The following CADM1 variants were observed in gnomAD, a reference collection of about 807,000 sequenced individuals.
The protein encoded by CADM1 is cell adhesion molecule 1.
A neutral mutation model predicts 53.1 loss-of-function variants in CADM1; 15 were observed. That is an observed-to-expected ratio of 0.28 (90% CI 0.19 to 0.44). CADM1 has a LOEUF of 0.44. Ranked by LOEUF, CADM1 falls within the 20% of genes least tolerant of loss-of-function variation. CADM1 has a pLI of 1.00. For synonymous variants in CADM1, 281 were observed against 243.0 expected (o/e 1.16, Z -1.45); for missense variants, 434 against 611.3 (o/e 0.71, Z 3.06).
At chr11:115,295,526 AT>A (rs1447846750) in intron 1 of CADM1, among the ~76,000 whole-genome samples, 2 of 80,984 alleles carry the variant, frequency 2.5e-5, no homozygotes, top group African/African-American at 9.8e-5. Flanking sequence ...ATATATATAT[AT>A]ATATATATAT....
chr11:115,315,518 A>G (rs1263332479), intron 1 of CADM1, among the ~76,000 whole-genome samples: 1 of 152,200 alleles, frequency 6.6e-6, no homozygotes, highest in African/African-American at 2.4e-5. Context: ...ACAAACTCAG[A>G]AACTTTTTTT....
intron 6 of CADM1, among the ~76,000 whole-genome samples, chr11:115,216,284 TC>T (rs1340652436): frequency 6.6e-6 from 1 of 152,188 alleles, no homozygotes; most frequent in Non-Finnish European, 1.5e-5. Flanking sequence ...AACAAACAAA[TC>T]CCTTCTCTGG....
At chr11:115,223,889 C>T (rs1180777280) in intron 5 of CADM1, among the ~76,000 whole-genome samples, 1 of 151,070 alleles carries the variant, frequency 6.6e-6, no homozygotes, top group Non-Finnish European at 1.5e-5. Flanking sequence ...AAAATAACCT[C>T]CCTGAAACTC....
At chr11:115,492,248 T>A (rs957736016) in intron 1 of CADM1, among the ~76,000 whole-genome samples, 1 of 152,244 alleles carries the variant, frequency 6.6e-6, no homozygotes, top group African/African-American at 2.4e-5. Flanking sequence ...TGTGAAAGTT[T>A]AAGAGAATAG....
chr11:115,295,196 T>C (rs1310600479), intron 1 of CADM1, among the ~76,000 whole-genome samples: 4 of 152,118 alleles, frequency 2.6e-5, no homozygotes, highest in African/African-American at 9.7e-5. Context: ...CAACTCCATG[T>C]TGACAATAGA....
intron 10 of CADM1, among the ~76,000 whole-genome samples, chr11:115,184,324 T>A (rs1939444231): frequency 6.6e-6 from 1 of 152,242 alleles, no homozygotes; most frequent in Admixed American, 6.5e-5. Context: ...AAAGCACAAC[T>A]TTATTACTGA....
At chr11:115,422,283 A>T (rs1352985834) in intron 1 of CADM1, among the ~76,000 whole-genome samples, 1 of 152,196 alleles carries the variant, frequency 6.6e-6, no homozygotes, top group East Asian at 1.9e-4. Flanking sequence ...TTCCATTTAA[A>T]CATAATACTC....
chr11:115,391,672 T>A (rs1387093499), intron 1 of CADM1, among the ~76,000 whole-genome samples: 1 of 152,224 alleles, frequency 6.6e-6, no homozygotes, highest in Non-Finnish European at 1.5e-5. Flanking sequence ...GCAAGACAGA[T>A]TATTTCTCAC....
intron 1 of CADM1, among the ~76,000 whole-genome samples, chr11:115,414,913 C>T (rs752122756): frequency 5.9e-5 from 9 of 152,166 alleles, no homozygotes; most frequent in Non-Finnish European, 1.2e-4. Flanking sequence ...TGTGAAATTC[C>T]GGTGCCTGAT....
intron 1 of CADM1, among the ~76,000 whole-genome samples, chr11:115,406,088 T>G (rs1947305539): frequency 6.6e-6 from 1 of 152,214 alleles, no homozygotes; most frequent in Non-Finnish European, 1.5e-5. Flanking sequence ...CTTTGGTTTC[T>G]TCAGTTTTCT....
chr11:115,355,798 G>A (rs1043067828), intron 1 of CADM1, among the ~76,000 whole-genome samples: 4 of 151,838 alleles, frequency 2.6e-5, no homozygotes, highest in South Asian at 2.1e-4. Context: ...TTTATGCATC[G>A]TATTACTCTT....
At chr11:115,414,456 T>C (rs1947540488) in intron 1 of CADM1, among the ~76,000 whole-genome samples, 1 of 152,136 alleles carries the variant, frequency 6.6e-6, no homozygotes, top group Non-Finnish European at 1.5e-5. Context: ...TGGACGATTC[T>C]ATACCACATA....
At chr11:115,468,272 T>C (rs938348241) in intron 1 of CADM1, among the ~76,000 whole-genome samples, 5 of 152,170 alleles carry the variant, frequency 3.3e-5, no homozygotes, top group Non-Finnish European at 7.4e-5. Flanking sequence ...ACTGTGAGCA[T>C]CACAATCTCA....
At chr11:115,364,923 T>A (rs1053072342) in intron 1 of CADM1, among the ~76,000 whole-genome samples, 4 of 152,230 alleles carry the variant, frequency 2.6e-5, no homozygotes, top group African/African-American at 9.6e-5. Flanking sequence ...TTTCATTTGA[T>A]AAAGAGAAAA....
At chr11:115,399,016 A>G (rs868072522) in intron 1 of CADM1, 1 of 152,214 alleles carries the variant, frequency 6.6e-6, no homozygotes, top group Non-Finnish European at 1.5e-5. Flanking sequence ...AAATCTATAT[A>G]TTGGAGCACT....
At chr11:115,497,012 A>T (rs1229064814) in intron 1 of CADM1, among the ~76,000 whole-genome samples, 1 of 152,190 alleles carries the variant, frequency 6.6e-6, no homozygotes, top group Non-Finnish European at 1.5e-5. Context: ...CTTTGTTTTC[A>T]GGCAGATTCT....
chr11:115,460,147 G>A (rs1043847533), intron 1 of CADM1, among the ~76,000 whole-genome samples: 1 of 151,740 alleles, frequency 6.6e-6, no homozygotes, highest in African/African-American at 2.4e-5. Flanking sequence ...TGAGGTTTAG[G>A]CTATCGTAAG....
intron 1 of CADM1, among the ~76,000 whole-genome samples, chr11:115,311,176 G>A (rs561914606): frequency 1.3e-5 from 2 of 152,176 alleles, no homozygotes; most frequent in African/African-American, 2.4e-5. Flanking sequence ...GATTTCTGTC[G>A]AAATGAACTA....
chr11:115,236,158 T>A (rs933177688), intron 3 of CADM1, among the ~76,000 whole-genome samples: 1 of 152,222 alleles, frequency 6.6e-6, no homozygotes, highest in African/African-American at 2.4e-5. Context: ...CTTCAACCTA[T>A]CAAGAAGTTT....
Sources: gnomAD v4.1 joint callset for allele counts (sites outside exome capture counted in the v4.1 genomes callset) on GRCh38, gnomAD v4.1.1 for gene constraint, MANE v1.5 for transcripts, NCBI Gene and HGNC (gene_info 2026-07-23, HGNC 2026-07-21) for gene names.